Variants in ZBED5 observed in about 807,000 individuals in gnomAD.
ZBED5 encodes the protein zinc finger BED-type containing 5.
Under a neutral mutation model 49.2 loss-of-function variants are expected in ZBED5, and 29 were observed. That is an observed-to-expected ratio of 0.59 (90% CI 0.44 to 0.80). ZBED5 has a LOEUF of 0.80. ZBED5 is among the 30% of genes least tolerant of loss of function. The pLI is 0.00. For missense variants in ZBED5, 775 were observed against 812.9 expected, an observed-to-expected ratio of 0.95 and a Z score of 0.57; for synonymous variants, 281 against 292.5, an observed-to-expected ratio of 0.96 and a Z score of 0.40.
At position 10,853,521 on chromosome 11, in the gene ZBED5, T is replaced by A. The variant is rs1364581023; in HGVS notation, c.1425A>T (p.Ala475=). 6.4e-7 allele frequency: 1 copy of A among 1,550,810 alleles called. No homozygotes were observed. Among genetic ancestry groups the A allele is most frequent in the Admixed American group, 2.0e-5 (1 of 50,884 alleles). ...ATTTAGTAAAAATATCTGCAAGATA[T>A]GCAAGTCTTAGCAGCCAAGATGAAT... ...LTNSSWLLRL[A]YLADIFTKLN... is the part of the protein sequence containing the mutation. The change falls in exon 3 of 3, where the codon GCA becomes GCT. Residue 475 remains alanine (A), a synonymous_variant. Coordinates refer to ENST00000413761, the MANE Select transcript of ZBED5 (RefSeq NM_001143667.2). The surrounding 1 kb of genome is among the most constrained non-coding windows in gnomAD (Gnocchi z 5.4).
At position 10,852,992 on chromosome 11, in the gene ZBED5, C is replaced by G; in HGVS notation, c.1954G>C (p.Ala652Pro). The G allele has an allele frequency of 6.4e-7, 1 of 1,551,466 alleles. No individual in the cohort carries two copies. Among genetic ancestry groups the G allele is most frequent in the Non-Finnish European group, 8.7e-7 (1 of 1,146,932 alleles). ...TTCCTATATTTTGTTTTTGTTGCAGCGTAATATGAAAACCCCGTTTCACAC... is the reference window on the plus strand; with the variant it reads ...TTCCTATATTTTGTTTTTGTTGCAGGGTAATATGAAAACCCCGTTTCACAC... ...HLCETGFSYY[A>P]ATKTKYRKRL... The change falls in exon 3 of 3, where the codon GCT (alanine) becomes CCT (proline). Residue 652 changes from alanine (A) to proline (P), a missense_variant. By Grantham distance (27) the Ala-to-Pro change is conservative. Transcript: ENST00000413761.
At position 10,853,122 on chromosome 11, in the gene ZBED5, A is replaced by G. The variant is rs936776388; in HGVS notation, c.1824T>C (p.Phe608=). 17 of 1,551,552 alleles carry G rather than the reference A, an allele frequency of 1.1e-5. No homozygotes were observed. The highest frequency in any genetic ancestry group is 9.6e-5 in the African/African-American group (7 of 73,042). ...LTSDSQVKQN[F]SELSLNDFWS... ...AAAAATCATTTAGTGAAAGTTCACT[A>G]AAATTTTGCTTCACTTGAGAATCAG... The change falls in exon 3 of 3, where the codon TTT becomes TTC. Residue 608 remains phenylalanine (F), a synonymous_variant. Coordinates refer to ENST00000413761, the MANE Select transcript of ZBED5 (RefSeq NM_001143667.2). This position sits in a 1 kb window ranked among gnomAD's most constrained non-coding sequence, Gnocchi z 5.4.
chr11:10,853,453 AC>A lies in ZBED5; in HGVS notation c.1492del (p.Val498PhefsTer12). 6.4e-7 allele frequency: 1 copy of A among 1,550,854 alleles called. No homozygotes were observed. The highest frequency in any genetic ancestry group is 8.7e-7 in the Non-Finnish European group (1 of 1,146,588). On this transcript the variant is annotated frameshift_variant, in exon 3 of 3. Transcript: ENST00000413761. LOFTEE classifies it high-confidence loss of function. The surrounding 1 kb of genome is among the most constrained non-coding windows in gnomAD (Gnocchi z 5.4). Reference protein sequence around the residue: ...NLSMQGKNVTVFTVFDKMSSL... With the variant: ...NLSMQGKNVTXFTVFDKMSSL... ...CGACATTTTATCAAATACTGTAAAA[AC>A]GGTCACATTTTTTCCTTGCATTGAC...
At chr11:10,856,620 T>A (rs934269520) in intron 1 of ZBED5, among the ~76,000 whole-genome samples, 2 of 152,356 alleles carry the variant, frequency 1.3e-5, no homozygotes, top group East Asian at 1.9e-4. Flanking sequence ...TACATAGAAC[T>A]ATTACATGAA....
Position 10,852,848 on chromosome 11 carries a change from G to A in ZBED5, c.*16C>T. 1 of 1,506,324 alleles carries A rather than the reference G, an allele frequency of 6.6e-7. No homozygotes were observed. The highest frequency in any genetic ancestry group is 8.9e-7 in the Non-Finnish European group (1 of 1,117,842). 93.3% of individuals were successfully genotyped at this position (1,506,324 alleles called of 1,614,324 possible). A position where few individuals can be genotyped will look rare whatever the true frequency, so the allele number is the denominator to read the frequency against. ...CTTACATTTGGTTATCATGAGACAT[G>A]CAAACTCCTCCAATTTTAATGAGAA... On this transcript the variant is annotated 3_prime_UTR_variant, in exon 3 of 3. Coordinates refer to ENST00000413761, the MANE Select transcript of ZBED5 (RefSeq NM_001143667.2).
At position 10,853,225 on chromosome 11, in the gene ZBED5, A is replaced by T; in HGVS notation, c.1721T>A (p.Val574Asp). Residue 574 changes from valine to aspartate, a missense_variant, in exon 3 of 3, where the codon GTT becomes GAT. Coordinates refer to ENST00000413761, the MANE Select transcript of ZBED5 (RefSeq NM_001143667.2). The surrounding 1 kb of genome is among the most constrained non-coding windows in gnomAD (Gnocchi z 5.4). ...FPVTNDNNAW[V>D]RNPFTVTVKP... ...AACAGTAACTGTAAATGGATTTCTAACCCAAGCATTATTGTCATTTGTTAC... is the reference window on the plus strand; with the variant it reads ...AACAGTAACTGTAAATGGATTTCTATCCCAAGCATTATTGTCATTTGTTAC... 1.3e-6 allele frequency: 2 copies of T among 1,551,550 alleles called. No homozygotes were observed. The highest frequency in any genetic ancestry group is 2.4e-5 in the South Asian group (2 of 84,058).
chr11:10,854,170 A>G lies in ZBED5; in HGVS notation c.776T>C (p.Ile259Thr). 3 of 1,551,136 alleles carry G rather than the reference A, an allele frequency of 1.9e-6. No homozygotes were observed. ...CAGTCTACAAACAAGCTCTTCTTCA[A>G]TGTCAGCAGCTAGATCCTTAATTCG... ...ARRIKDLAADIEEELVCRLKI... is the reference protein window; with the variant it reads ...ARRIKDLAADTEEELVCRLKI... The change falls in exon 3 of 3, where the codon ATT becomes ACT. Residue 259 changes from isoleucine to threonine, a missense_variant. Physicochemically the swap from Ile to Thr is moderately conservative, Grantham distance 89. Transcript: ENST00000413761. This position sits in a 1 kb window ranked among gnomAD's most constrained non-coding sequence, Gnocchi z 5.0.
rs769183952 is a variant in ZBED5, at chr11:10,853,209, T to C, written c.1737A>G (p.Thr579=). The C allele has an allele frequency of 1.9e-5, 29 of 1,551,494 alleles. No individual in the cohort carries two copies. In the East Asian group the frequency reaches 7.1e-4, roughly 38 times the overall value. ...CTAATGAAGCTGGTTTAACAGTAAC[T>C]GTAAATGGATTTCTAACCCAAGCAT... ...DNNAWVRNPF[T]VTVKPASLVA... The change falls in exon 3 of 3, where the codon ACA becomes ACG. Residue 579 remains threonine, a synonymous_variant. Transcript: ENST00000413761. This position sits in a 1 kb window ranked among gnomAD's most constrained non-coding sequence, Gnocchi z 5.4.
At position 10,854,319 on chromosome 11, in the gene ZBED5, C is replaced by T; in HGVS notation, c.627G>A (p.Glu209=). The change falls in exon 3 of 3, where the codon GAG becomes GAA. Residue 209 remains glutamate (E), a synonymous_variant. Coordinates refer to ENST00000413761, the MANE Select transcript of ZBED5 (RefSeq NM_001143667.2). This position sits in a 1 kb window ranked among gnomAD's most constrained non-coding sequence, Gnocchi z 5.0. ...NVSYHIALSG[E]AHTIGELLIK... ...TAAGCAATTCTCCAATAGTATGAGCCTCTCCACTCAGCGCTATATGGTAAC... is the reference window on the plus strand; with the variant it reads ...TAAGCAATTCTCCAATAGTATGAGCTTCTCCACTCAGCGCTATATGGTAAC... The T allele has an allele frequency of 1.3e-6, 2 of 1,550,758 alleles. No homozygotes were observed. The highest frequency in any genetic ancestry group is 1.2e-5 in the South Asian group (1 of 84,060).
rs1214237162 is a variant in ZBED5 at position 10,857,064 on chromosome 11, A to T, written c.-256+798T>A. On this transcript the variant is annotated intron_variant, in intron 1 of 2. Coordinates refer to ENST00000413761, the MANE Select transcript of ZBED5 (RefSeq NM_001143667.2). The surrounding 1 kb of genome is among the most constrained non-coding windows in gnomAD (Gnocchi z 6.3). ...TAAAGCCCTGCTTCTTATTGGGAGC[A>T]AAAAAGCAGATTCTCCTTCCACAGT... Among the ~76,000 whole-genome samples, 1 of 152,242 alleles carries T rather than the reference A, an allele frequency of 6.6e-6. No individual in the cohort carries two copies. Among genetic ancestry groups the T allele is most frequent in the African/African-American group, 2.4e-5 (1 of 41,460 alleles).
In ZBED5 at chr11:10,854,559, A is replaced by G. The variant is rs1261155330; in HGVS notation, c.387T>C (p.His129=). ...FTYFGNRDAP[H]AQCVLCKKIL... ...TTTTCTTACATAATACACACTGAGC[A>G]TGAGGTGCATCTCTATTTCCGAAGT... is the stretch of plus-strand genomic sequence containing the variant. Residue 129 remains histidine, a synonymous_variant, in exon 3 of 3, where the codon CAT becomes CAC. Coordinates refer to ENST00000413761, the MANE Select transcript of ZBED5 (RefSeq NM_001143667.2). This position sits in a 1 kb window ranked among gnomAD's most constrained non-coding sequence, Gnocchi z 5.0. The G allele has an allele frequency of 1.9e-5, 29 of 1,551,426 alleles. No individual in the cohort carries two copies. Among genetic ancestry groups the G allele is most frequent in the Non-Finnish European group, 2.4e-5 (28 of 1,146,940 alleles).
At position 10,855,655 on chromosome 11, in the gene ZBED5, A is replaced by AAC. The variant is rs1322964779; in HGVS notation, c.-142+487_-142+488dup. 1.3e-5 allele frequency: 2 copies of AAC among 152,314 alleles called. No individual in the cohort carries two copies. The highest frequency in any genetic ancestry group is 1.9e-4 in the East Asian group (1 of 5,188). The allele number at this position is 152,314 out of a possible 1,614,324, so 9.4% of individuals were successfully genotyped here. On this transcript the variant is annotated intron_variant, in intron 2 of 2. Coordinates refer to ENST00000413761, the MANE Select transcript of ZBED5 (RefSeq NM_001143667.2). This position sits in a 1 kb window ranked among gnomAD's most constrained non-coding sequence, Gnocchi z 4.1. ...GCAACAATTCTGAAGAAGTGAATTA[A>AAC]ACACACACACAGTTCCAAGTTTTGC...
chr11:10,854,794 G>T lies in ZBED5; in HGVS notation c.152C>A (p.Ser51Tyr), dbSNP rs1233451540. The change falls in exon 3 of 3, where the codon TCT becomes TAT. Residue 51 changes from serine to tyrosine, a missense_variant. Ser to Tyr is a moderately radical substitution (Grantham distance 144, BLOSUM62 -2). Coordinates refer to ENST00000413761, the MANE Select transcript of ZBED5 (RefSeq NM_001143667.2). This position sits in a 1 kb window ranked among gnomAD's most constrained non-coding sequence, Gnocchi z 5.0. ...KQGSLKQEVE[S>Y]FCYQIVSESN... ...TTCAGACACAATCTGATAACAGAAA[G>T]ATTCCACTTCTTGTTTAAGACTTCC... The T allele has an allele frequency of 1.3e-6, 2 of 1,551,954 alleles. No individual in the cohort carries two copies. The highest frequency in any genetic ancestry group is 1.4e-5 in the African/African-American group (1 of 73,048).
In ZBED5 at chr11:10,856,977, G is replaced by C. The variant is rs147776126; in HGVS notation, c.-255-720C>G. 4.7e-3 allele frequency among the ~76,000 whole-genome samples: 720 copies of C among 152,284 alleles called. 6 individuals are homozygous for C. The highest frequency in any genetic ancestry group is 0.017 in the Middle Eastern group (5 of 294). On this transcript the variant is annotated intron_variant, in intron 1 of 2. Transcript: ENST00000413761. The stretch of plus-strand genomic sequence containing the variant: ...GTTACTAGGAGTTGGGTTATGCAGC[G>C]AAACGGATGAACAATGGATTATAAC...
chr11:10,853,555 C>T lies in ZBED5; in HGVS notation c.1391G>A (p.Cys464Tyr). Residue 464 changes from cysteine (C) to tyrosine (Y), a missense_variant, in exon 3 of 3, where the codon TGT (cysteine) becomes TAT (tyrosine). Cys to Tyr is a radical substitution (Grantham distance 194, BLOSUM62 -2). Coordinates refer to ENST00000413761, the MANE Select transcript of ZBED5 (RefSeq NM_001143667.2). This position sits in a 1 kb window ranked among gnomAD's most constrained non-coding sequence, Gnocchi z 5.4. ...FMDSAFRLSD[C>Y]LTNSSWLLRL... ...TAGCAGCCAAGATGAATTTGTTAAACAATCAGATAGTCGAAAAGCAGAATC... is the reference window on the plus strand; with the variant it reads ...TAGCAGCCAAGATGAATTTGTTAAATAATCAGATAGTCGAAAAGCAGAATC... The T allele has an allele frequency of 1.9e-6, 3 of 1,549,916 alleles. No individual in the cohort carries two copies. Among genetic ancestry groups the T allele is most frequent in the Non-Finnish European group, 2.6e-6 (3 of 1,146,034 alleles).
At position 10,858,046 on chromosome 11, in the gene ZBED5, G is replaced by T. The variant is rs917222735; in HGVS notation, c.-440C>A. 3 of 337,178 alleles carry T rather than the reference G, an allele frequency of 8.9e-6. No individual in the cohort carries two copies. Among genetic ancestry groups the T allele is most frequent in the Admixed American group, 4.8e-5 (1 of 20,650 alleles). 20.9% of individuals were successfully genotyped at this position (337,178 alleles called of 1,614,324 possible). A position where few individuals can be genotyped will look rare whatever the true frequency, so the allele number is the denominator to read the frequency against. On this transcript the variant is annotated 5_prime_UTR_variant, in exon 1 of 3. Transcript: ENST00000413761. ...GATCCGATTCGCGGCTGGCGCGGTC[G>T]CCGGTCTGAAGATAAATTTAGCACT...
chr11:10,855,045 C>T lies in ZBED5; in HGVS notation c.-100G>A, dbSNP rs1433896839. 6 of 1,390,514 alleles carry T rather than the reference C, an allele frequency of 4.3e-6. No individual in the cohort carries two copies. The highest frequency in any genetic ancestry group is 2.6e-4 in the Middle Eastern group (1 of 3,816). The allele number at this position is 1,390,514 out of a possible 1,614,324, so 86.1% of individuals were successfully genotyped here. The stretch of plus-strand genomic sequence containing the variant: ...CATACGTTCATGTATCAGGTGATCT[C>T]TCATGCGACTTCCTGGTGCTCTCAG... On this transcript the variant is annotated 5_prime_UTR_variant, in exon 3 of 3. Transcript: ENST00000413761. This position sits in a 1 kb window ranked among gnomAD's most constrained non-coding sequence, Gnocchi z 4.1.
chr11:10,855,124 G>C lies in ZBED5; in HGVS notation c.-141-38C>G, dbSNP rs1848163150. On this transcript the variant is annotated intron_variant, in intron 2 of 2. Transcript: ENST00000413761. This position sits in a 1 kb window ranked among gnomAD's most constrained non-coding sequence, Gnocchi z 4.1. Reference sequence around the variant, plus strand: ...TTATCACATAAAAATAAAAGCTATAGAAATGAGTTTAGCAGTCTTAATCTC... The same window carrying C: ...TTATCACATAAAAATAAAAGCTATACAAATGAGTTTAGCAGTCTTAATCTC... 8.2e-6 allele frequency: 6 copies of C among 735,710 alleles called. No individual in the cohort carries two copies. Among genetic ancestry groups the C allele is most frequent in the Non-Finnish European group, 1.3e-5 (6 of 478,594 alleles). The allele number at this position is 735,710 out of a possible 1,614,324, so 45.6% of individuals were successfully genotyped here.
In ZBED5 at chr11:10,852,916, G is replaced by A; in HGVS notation, c.2030C>T (p.Pro677Leu). Residue 677 changes from proline to leucine, a missense_variant, in exon 3 of 3, where the codon CCT becomes CTT. Transcript: ENST00000413761. ...TTTATCACATATCCGCTTAATATTA[G>A]GTGTAATATTGCTAAGTCGGATTCG... ...HMRIRLSNIT[P>L]NIKRICDKKT... 1.9e-6 allele frequency: 3 copies of A among 1,550,276 alleles called. No homozygotes were observed. The highest frequency in any genetic ancestry group is 2.6e-6 in the Non-Finnish European group (3 of 1,145,844).
Sources: allele counts gnomAD v4.1 joint callset (sites outside exome capture counted in the v4.1 genomes callset), GRCh38; gene constraint gnomAD v4.1.1; non-coding constraint Gnocchi (gnomAD v3.1); transcripts MANE v1.5; gene names NCBI Gene and HGNC (gene_info 2026-07-23, HGNC 2026-07-21).